COBLL1: variants seen among roughly 807,000 people sequenced by gnomAD.
The protein encoded by COBLL1 is cordon-bleu WH2 repeat protein like 1, also known as cordon-bleu protein-like 1.
COBLL1 carries 50 observed loss-of-function variants against 94.8 expected under a neutral mutation model. That is an observed-to-expected ratio of 0.53 (90% CI 0.42 to 0.67). The LOEUF (loss-of-function observed/expected upper bound fraction) is 0.67. COBLL1 is among the 30% of genes least tolerant of loss of function. COBLL1 has a pLI of 0.00. For synonymous variants in COBLL1, 448 were observed against 473.8 expected, an observed-to-expected ratio of 0.95 and a Z score of 0.71; for missense variants, 1,362 against 1,348.7, an observed-to-expected ratio of 1.01 and a Z score of -0.15.
At chr2:164,667,253 A>G (rs1050354426) in intron 1 of COBLL1, among the ~76,000 whole-genome samples, 4 of 152,138 alleles carry the variant, frequency 2.6e-5, no homozygotes, top group African/African-American at 9.7e-5. Context: ...CGTGCTGTAA[A>G]CAGAGGTGCT....
Position 164,695,854 on chromosome 2 carries a change from T to C in COBLL1, c.1556-18A>G. 9 of 1,519,632 alleles carry C rather than the reference T, an allele frequency of 5.9e-6. No individual in the cohort carries two copies. Among genetic ancestry groups the C allele is most frequent in the Non-Finnish European group, 7.9e-6 (9 of 1,135,706 alleles). The allele number at this position is 1,519,632 out of a possible 1,614,324, so 94.1% of individuals were successfully genotyped here. On this transcript the variant is annotated intron_variant, in intron 11 of 13. Transcript: ENST00000652658. ...TTGAACTACTGAGAGAAAAAAATCATCAAGTTAAATATATGAAAGAAGTAG... is the reference window on the plus strand; with the variant it reads ...TTGAACTACTGAGAGAAAAAAATCACCAAGTTAAATATATGAAAGAAGTAG...
At chr2:164,678,594 A>T (rs1682904920), downstream of COBLL1, among the ~76,000 whole-genome samples, 1 of 152,176 alleles carries the variant, frequency 6.6e-6, no homozygotes, top group Non-Finnish European at 1.5e-5. Flanking sequence ...GAAAATATTG[A>T]TGCATTCAAT....
intron 3 of COBLL1, among the ~76,000 whole-genome samples, chr2:164,733,434 C>T (rs986286961): frequency 4.6e-5 from 7 of 152,136 alleles, no homozygotes; most frequent in African/African-American, 1.7e-4. Flanking sequence ...CTAAAAATGC[C>T]TCTTTGAGAG....
At chr2:164,830,301 G>A (rs1248461948) in intron 2 of COBLL1, among the ~76,000 whole-genome samples, 1 of 151,924 alleles carries the variant, frequency 6.6e-6, no homozygotes, top group Admixed American at 6.6e-5. Context: ...TATGGAAACT[G>A]TGAATGTCCC....
At chr2:164,820,948 C>T (rs890780873) in intron 2 of COBLL1, among the ~76,000 whole-genome samples, 5 of 152,080 alleles carry the variant, frequency 3.3e-5, no homozygotes, top group Non-Finnish European at 4.4e-5. Context: ...AGTGCAGTGG[C>T]GTGATCTTGT....
chr2:164,769,087 A>G (rs934201464), intron 2 of COBLL1, among the ~76,000 whole-genome samples: 6 of 152,326 alleles, frequency 3.9e-5, no homozygotes, highest in South Asian at 4.1e-4. Context: ...AAGATGCTCA[A>G]TAAAACATGG....
chr2:164,664,197 A>T (rs1309067821), intron 2 of COBLL1, among the ~76,000 whole-genome samples: 3 of 152,230 alleles, frequency 2.0e-5, no homozygotes, highest in African/African-American at 7.2e-5. Flanking sequence ...CTATTCTCTG[A>T]TGACACTGCT....
chr2:164,798,624 CAG>C (rs1040807676), intron 2 of COBLL1, among the ~76,000 whole-genome samples: 53 of 152,308 alleles, frequency 3.5e-4, no homozygotes, highest in African/African-American at 1.2e-3. Flanking sequence ...TCTCAATACT[CAG>C]GGGGACTATC....
chr2:164,718,829 T>C (rs1449825777), intron 7 of COBLL1, among the ~76,000 whole-genome samples: 1 of 152,172 alleles, frequency 6.6e-6, no homozygotes, highest in Non-Finnish European at 1.5e-5. Context: ...GGCCATTCCA[T>C]TCTGAAAAGA....
In COBLL1 at chr2:164,743,781, T is replaced by A; in HGVS notation, c.136A>T (p.Ile46Phe). 6.2e-7 allele frequency: 1 copy of A among 1,613,462 alleles called. No individual in the cohort carries two copies. Residue 46 changes from isoleucine (I) to phenylalanine (F), a missense_variant, in exon 3 of 14, where the codon ATC becomes TTC. Transcript: ENST00000652658. ...AADSVESTAF[I>F]MEQKENMIDK... is the part of the protein sequence containing the mutation. The stretch of plus-strand genomic sequence containing the variant: ...ATCATGTTTTCTTTCTGTTCCATGA[T>A]GAAAGCAGTGGATTCTACAGAATCA...
intron 2 of COBLL1, among the ~76,000 whole-genome samples, chr2:164,763,023 A>AG (rs1221962877): frequency 5.3e-5 from 8 of 152,144 alleles, no homozygotes; most frequent in Non-Finnish European, 1.0e-4. Context: ...AAAAAAATAA[A>AG]GGTTTGCTGG....
chr2:164,727,095 A>C, intron 5 of COBLL1: 1 of 1,441,378 alleles, frequency 6.9e-7, no homozygotes, highest in South Asian at 1.3e-5. Flanking sequence ...CTACTGATTC[A>C]TACATCTTAC....
chr2:164,796,705 C>CAA (rs34412964), intron 2 of COBLL1, among the ~76,000 whole-genome samples: 45,543 of 86,152 alleles, frequency 0.53, 10,168 homozygotes, highest in African/African-American at 0.61. Flanking sequence ...GCTGGCCTTC[C>CAA]AAAAAAAAAA....
At chr2:164,693,842 C>T (rs1307995269) in intron 12 of COBLL1, among the ~76,000 whole-genome samples, 1 of 152,088 alleles carries the variant, frequency 6.6e-6, no homozygotes, top group Admixed American at 6.5e-5. Context: ...GTTATTTTGT[C>T]TAGCCTCTCA....
At chr2:164,725,519 G>T (rs777446960) in intron 5 of COBLL1, among the ~76,000 whole-genome samples, 66 of 152,078 alleles carry the variant, frequency 4.3e-4, no homozygotes, top group Non-Finnish European at 5.7e-4. Context: ...CCTGGGCTTA[G>T]GTGATCCTCC....
chr2:164,741,633 T>C (rs1375978182), intron 3 of COBLL1, among the ~76,000 whole-genome samples: 1 of 152,016 alleles, frequency 6.6e-6, no homozygotes, highest in Non-Finnish European at 1.5e-5. Context: ...TTCATAGATT[T>C]AAAAAACTGC....
intron 4 of COBLL1, 76 bp from the exon 5 acceptor site, chr2:164,728,273 GAGATAACCTAC>G: frequency 2.3e-6 from 2 of 887,664 alleles, no homozygotes; most frequent in Non-Finnish European, 1.8e-6. Context: ...CTAGAATAAT[GAGATAACCTAC>G]AGTTACATAT....
chr2:164,805,323 C>CTATATA (rs1559033361), intron 2 of COBLL1, among the ~76,000 whole-genome samples: 8 of 33,674 alleles, frequency 2.4e-4, no homozygotes, highest in South Asian at 9.3e-4. Context: ...CTCTCTCTCT[C>CTATATA]TCTCTCTCTC....
At chr2:164,678,511 A>G (rs756825935), downstream of COBLL1, among the ~76,000 whole-genome samples, 18 of 152,204 alleles carry the variant, frequency 1.2e-4, no homozygotes, top group Admixed American at 4.6e-4. Flanking sequence ...TAAAATACCA[A>G]TGAATGCCCC....
Sources: gnomAD v4.1 joint callset for allele counts (sites outside exome capture counted in the v4.1 genomes callset) on GRCh38, gnomAD v4.1.1 for gene constraint, MANE v1.5 for transcripts, NCBI Gene and HGNC (gene_info 2026-07-23, HGNC 2026-07-21) for gene names.